The following PRDM1 variants were observed in gnomAD, a reference collection of about 807,000 sequenced individuals.
The protein encoded by PRDM1 is PR domain zinc finger protein 1.
In PRDM1, 13 loss-of-function variants were observed where a neutral mutation model predicts 62.8. The ratio of observed to expected loss-of-function variants is 0.21; its 90% CI spans 0.13 to 0.33. PRDM1 has a LOEUF of 0.33. PRDM1 is among the 10% of genes least tolerant of loss of function. PRDM1 has a pLI of 1.00. For synonymous variants in PRDM1, 396 were observed against 417.6 expected (o/e 0.95, Z 0.63); for missense variants, 895 against 1,058.8 (o/e 0.85, Z 2.15).
In PRDM1 at chr6:106,102,007, T is replaced by C. The variant is rs528170883; in HGVS notation, c.664+2455T>C. Reference sequence around the variant, plus strand: ...TTTCTATCTATCTAACTAACCCATCTAGAAAACAGTTGACCAAATTATAGA... The same window carrying C: ...TTTCTATCTATCTAACTAACCCATCCAGAAAACAGTTGACCAAATTATAGA... On this transcript the variant is annotated intron_variant, in intron 4 of 6. Transcript: ENST00000369096. Among the ~76,000 whole-genome samples, 182 of 152,360 alleles carry C rather than the reference T, an allele frequency of 1.2e-3. 1 individual carries two copies. Among genetic ancestry groups the C allele is most frequent in the Non-Finnish European group, 1.7e-3 (117 of 68,042 alleles).
chr6:106,054,839 T>A (rs892768448), intron 1 of PRDM1, among the ~76,000 whole-genome samples: 1 of 152,246 alleles, frequency 6.6e-6, no homozygotes, highest in Non-Finnish European at 1.5e-5. Context: ...TTCTTTGATC[T>A]TTATGAGAAT....
rs147521142 is a variant in PRDM1, at chr6:106,103,129, G to GC, written c.665-1689dup. 7.0e-3 allele frequency among the ~76,000 whole-genome samples: 1,068 copies of GC among 152,000 alleles called. 26 individuals are homozygous for GC. Among genetic ancestry groups the GC allele is most frequent in the East Asian group, 0.059 (306 of 5,164 alleles). ...CTCCCTCAGCAAGCTTTCCATCACG[G>GC]CCCCCCCGTCAGCATCTTCCCTGAT... is the stretch of plus-strand genomic sequence containing the variant. On this transcript the variant is annotated intron_variant, in intron 4 of 6. Coordinates refer to ENST00000369096, the MANE Select transcript of PRDM1 (RefSeq NM_001198.4).
chr6:105,993,295 A>G (rs62421069), upstream of PRDM1, among the ~76,000 whole-genome samples: 12,462 of 152,244 alleles, frequency 0.082, 918 homozygotes, highest in African/African-American at 0.19. Context: ...GATCCCCAAA[A>G]TCCACCACGA....
rs370126650 is a variant in PRDM1 at position 106,088,380 on chromosome 6, T to C, written c.222T>C (p.Gly74=). 3.1e-6 allele frequency: 5 copies of C among 1,614,072 alleles called. No homozygotes were observed. The African/African-American group carries it at 6.7e-5, about 22-fold the overall frequency. Residue 74 remains glycine, a synonymous_variant, in exon 2 of 7, where the codon GGT becomes GGC. Transcript: ENST00000369096. Reference sequence around the variant, plus strand: ...CCTGGGATTCTGGTGCTGATGGCGGTACTTCGGTTCAGGCGGAGGCATCCT... The same window carrying C: ...CCTGGGATTCTGGTGCTGATGGCGGCACTTCGGTTCAGGCGGAGGCATCCT... ...DHPWDSGADG[G]TSVQAEASLP... is the part of the protein sequence containing the mutation.
chr6:106,086,838 C>T (rs1469045334), intron 1 of PRDM1, among the ~76,000 whole-genome samples: 1 of 152,064 alleles, frequency 6.6e-6, no homozygotes, highest in African/African-American at 2.4e-5. Flanking sequence ...AGCTCACACT[C>T]GTCAAACTAT....
intron 2 of PRDM1, among the ~76,000 whole-genome samples, chr6:106,094,807 G>A (rs1425729436): frequency 3.9e-5 from 6 of 152,194 alleles, no homozygotes; most frequent in South Asian, 2.1e-4. Flanking sequence ...GGAGGCTGAG[G>A]TGGGAGGATC....
chr6:106,003,866 G>T (rs138611148), intron 1 of PRDM1, among the ~76,000 whole-genome samples: 207 of 152,290 alleles, frequency 1.4e-3, no homozygotes, highest in African/African-American at 4.5e-3. Flanking sequence ...TTGTGTGCCT[G>T]TATTCCAGTA....
rs1774595011 is a variant in PRDM1 at position 106,108,819 on chromosome 6, TTGAG to T, written c.*1336_*1339del. The T allele has an allele frequency of 1.3e-5, 3 of 232,728 alleles. No homozygotes were observed. Among genetic ancestry groups the T allele is most frequent in the African/African-American group, 6.6e-5 (3 of 45,256 alleles). 14.4% of individuals were successfully genotyped at this position (232,728 alleles called of 1,614,324 possible). A position where few individuals can be genotyped will look rare whatever the true frequency, so the allele number is the denominator to read the frequency against. ...AAGTTGTTCAACAACAGTTACCTCA[TTGAG>T]TGTGTCCAGTAGTGCAGGAAATGAT... On this transcript the variant is annotated 3_prime_UTR_variant, in exon 7 of 7. Coordinates refer to ENST00000369096, the MANE Select transcript of PRDM1 (RefSeq NM_001198.4).
chr6:106,066,076 C>T (rs925030194), intron 1 of PRDM1, among the ~76,000 whole-genome samples: 1 of 152,062 alleles, frequency 6.6e-6, no homozygotes, highest in Non-Finnish European at 1.5e-5. Context: ...GTTGGGAGGC[C>T]CTTGGAGAAA....
intron 4 of PRDM1, 140 bp from the exon 5 acceptor site, chr6:106,104,685 G>T: frequency 1.8e-6 from 2 of 1,090,374 alleles, no homozygotes; most frequent in Middle Eastern, 2.1e-4. Context: ...TCTAGAATGA[G>T]AGTGCGTTGG....
upstream of PRDM1, chr6:106,086,243 G>T: frequency 2.6e-6 from 1 of 386,474 alleles, no homozygotes; most frequent in Non-Finnish European, 4.6e-6. Context: ...CCCTGGGCTC[G>T]GCCAGGTGGT....
At chr6:106,073,340 C>T (rs2114603026) in intron 1 of PRDM1, among the ~76,000 whole-genome samples, 1 of 152,244 alleles carries the variant, frequency 6.6e-6, no homozygotes, top group South Asian at 2.1e-4. Context: ...ATTTCCAACT[C>T]CTGACCTCAG....
At position 106,105,573 on chromosome 6, in the gene PRDM1, C is replaced by G. The variant is rs758963916; in HGVS notation, c.1413C>G (p.Pro471=). ...LNPTSLPSSL[P]SDGARRLLQP... is the part of the protein sequence containing the mutation. ...CCACTTCTCTCCCGAGCTCGCTGCC[C>G]TCAGATGGAGCCCGGAGGTTGCTCC... The change falls in exon 5 of 7, where the codon CCC becomes CCG. Residue 471 remains proline (P), a synonymous_variant. Transcript: ENST00000369096. 1.9e-6 allele frequency: 3 copies of G among 1,612,952 alleles called. No individual in the cohort carries two copies. The Admixed American group carries it at 5.0e-5, about 27-fold the overall frequency.
intron 1 of PRDM1, among the ~76,000 whole-genome samples, chr6:106,034,635 C>CTT (rs1554200511): frequency 1.2e-4 from 11 of 88,416 alleles, no homozygotes; most frequent in East Asian, 3.5e-4. Context: ...TGTTCTCTCT[C>CTT]TTTTTTTTTT....
chr6:106,099,261 C>G (rs1273511267), intron 3 of PRDM1, 39 bp from the exon 4 acceptor site: 3 of 1,612,276 alleles, frequency 1.9e-6, no homozygotes. Context: ...AGCTTTGGGT[C>G]TGACTTCCTT....
At chr6:106,099,109 T>G (rs1228209870) in intron 3 of PRDM1, 191 bp from the exon 4 acceptor site, 5 of 1,613,868 alleles carry the variant, frequency 3.1e-6, no homozygotes, top group Non-Finnish European at 4.2e-6. Context: ...CTGACAAAAG[T>G]GTGCCTTACC....
At position 106,006,326 on chromosome 6, in the gene PRDM1, T is replaced by G. The variant is rs567668056; in HGVS notation, c.-67+12687T>G. 7.2e-5 allele frequency among the ~76,000 whole-genome samples: 11 copies of G among 152,328 alleles called. No individual in the cohort carries two copies. The East Asian group carries it at 2.1e-3, about 29-fold the overall frequency. Reference sequence around the variant, plus strand: ...TGATTAGTGACTTTTGGTATAAACTTTACTTTCGTAGTAAGGAGGAAAATA... The same window carrying G: ...TGATTAGTGACTTTTGGTATAAACTGTACTTTCGTAGTAAGGAGGAAAATA... On this transcript the variant is annotated intron_variant, in intron 1 of 6. Coordinates refer to the PRDM1 transcript ENST00000652320.
intron 1 of PRDM1, among the ~76,000 whole-genome samples, chr6:105,999,081 G>T (rs1292246398): frequency 2.0e-5 from 3 of 151,512 alleles, no homozygotes; most frequent in African/African-American, 4.8e-5. Flanking sequence ...GGGACCACAG[G>T]CATGTGCCAC....
chr6:106,060,119 C>G (rs954216116), intron 1 of PRDM1, among the ~76,000 whole-genome samples: 3 of 152,068 alleles, frequency 2.0e-5, no homozygotes, highest in African/African-American at 7.2e-5. Context: ...TCAATCCAGA[C>G]AGTTATTTAA....
Sources: gnomAD v4.1 joint callset for allele counts (sites outside exome capture counted in the v4.1 genomes callset) on GRCh38, gnomAD v4.1.1 for gene constraint, MANE v1.5 for transcripts, NCBI Gene and HGNC (gene_info 2026-07-23, HGNC 2026-07-21) for gene names.